SAXO1: variants seen among roughly 807,000 people sequenced by gnomAD.
The protein encoded by SAXO1 is 4930500O09Rik.
Under a neutral mutation model 17.5 loss-of-function variants are expected in SAXO1, and 21 were observed. That is an observed-to-expected ratio of 1.20 (90% CI 0.85 to 1.72). The LOEUF is 1.72. Among genes scored for constraint, SAXO1 ranks in the 40% most tolerant of loss-of-function variants. The probability of loss-of-function intolerance (pLI) is 0.00; values close to 1 mark genes in which losing one functional copy is unlikely to be tolerated. For missense variants in SAXO1, 843 were observed against 596.0 expected, an observed-to-expected ratio of 1.41 and a Z score of -4.32; for synonymous variants, 274 against 216.5, an observed-to-expected ratio of 1.27 and a Z score of -2.33.
chr9:18,961,607 G>A (rs1313059847), intron 1 of SAXO1, among the ~76,000 whole-genome samples: 2 of 151,914 alleles, frequency 1.3e-5, no homozygotes, highest in Non-Finnish European at 2.9e-5. Flanking sequence ...CTGTTCCTGT[G>A]TTAGTTTGCT....
At chr9:18,937,634 C>G (rs1213524652) in intron 3 of SAXO1, among the ~76,000 whole-genome samples, 3 of 152,144 alleles carry the variant, frequency 2.0e-5, no homozygotes, top group Non-Finnish European at 2.9e-5. Flanking sequence ...GCAGGCTCCA[C>G]CTTCATGAAT....
At chr9:18,954,050 C>G (rs968512547) in intron 1 of SAXO1, among the ~76,000 whole-genome samples, 4 of 152,142 alleles carry the variant, frequency 2.6e-5, no homozygotes, top group Non-Finnish European at 4.4e-5. Flanking sequence ...GAGCTGCCCT[C>G]GCCACCTTGC....
chr9:18,954,124 G>A (rs942168381), intron 1 of SAXO1, among the ~76,000 whole-genome samples: 6 of 152,126 alleles, frequency 3.9e-5, no homozygotes, highest in African/African-American at 1.2e-4. Flanking sequence ...GGAGAGAGGA[G>A]GTTTCTTTAG....
intron 1 of SAXO1, among the ~76,000 whole-genome samples, chr9:19,043,636 G>A (rs1277636427): frequency 6.6e-6 from 1 of 151,894 alleles, no homozygotes; most frequent in East Asian, 1.9e-4. Flanking sequence ...GCATGGTAGT[G>A]CGTAACTGTA....
In SAXO1 at chr9:18,928,546, A is replaced by G; in HGVS notation, c.931T>C (p.Tyr311His). Residue 311 changes from tyrosine to histidine, a missense_variant, in exon 4 of 4, where the codon TAC becomes CAC. Coordinates refer to ENST00000380534, the MANE Select transcript of SAXO1 (RefSeq NM_153707.4). The stretch of plus-strand genomic sequence containing the variant: ...GCTGGGGCACCCTTAGGGCATGTGT[A>G]ATGGGCCTGCACTGTTGTCAGAAGA... ...MDLLTTVQAH[Y>H]TCPKGAPAQS... is the part of the protein sequence containing the mutation. 1.2e-6 allele frequency: 2 copies of G among 1,614,032 alleles called. No homozygotes were observed. Among genetic ancestry groups the G allele is most frequent in the Non-Finnish European group, 1.7e-6 (2 of 1,179,956 alleles).
At chr9:19,045,620 C>G (rs1836195009) in intron 1 of SAXO1, among the ~76,000 whole-genome samples, 1 of 152,158 alleles carries the variant, frequency 6.6e-6, no homozygotes, top group Admixed American at 6.5e-5. Flanking sequence ...ACACCCCATC[C>G]CAGTAGAAGA....
chr9:19,011,307 A>G (rs1357048073), intron 1 of SAXO1, among the ~76,000 whole-genome samples: 1 of 152,202 alleles, frequency 6.6e-6, no homozygotes, highest in Non-Finnish European at 1.5e-5. Context: ...GCCACTTTCT[A>G]ACGAGGGAGG....
intron 1 of SAXO1, among the ~76,000 whole-genome samples, chr9:19,046,267 C>G (rs1214572695): frequency 6.6e-6 from 1 of 151,544 alleles, no homozygotes; most frequent in Non-Finnish European, 1.5e-5. Flanking sequence ...ATTAGAACAG[C>G]CTGTGGAAAT....
intron 3 of SAXO1, among the ~76,000 whole-genome samples, chr9:18,931,303 A>C (rs531095875): frequency 2.0e-5 from 3 of 152,316 alleles, no homozygotes; most frequent in African/African-American, 7.2e-5. Context: ...TCTTTCACTT[A>C]GTGTAATGTA....
chr9:18,950,861 C>T lies in SAXO1; in HGVS notation c.115G>A (p.Glu39Lys), dbSNP rs201537958. The change falls in exon 2 of 4, where the codon GAG becomes AAG. Residue 39 changes from glutamate to lysine, a missense_variant. Transcript: ENST00000380534. ...EKPCLLSEYT[E>K]NYPFYHSYLP... ...TAGGAGTGATAGAAAGGGTAGTTCT[C>T]GGTATATTCGGAGAGAAGACATGGT... 1.1e-4 allele frequency: 179 copies of T among 1,613,710 alleles called. No individual in the cohort carries two copies. The East Asian group carries it at 2.2e-3, about 20-fold the overall frequency.
chr9:18,957,565 G>A lies in SAXO1; in HGVS notation c.39-6628C>T, dbSNP rs78284198. Among the ~76,000 whole-genome samples, 1,386 of 152,302 alleles carry A rather than the reference G, an allele frequency of 9.1e-3. 15 individuals are homozygous for A. Among genetic ancestry groups the A allele is most frequent in the African/African-American group, 0.032 (1,333 of 41,562 alleles). On this transcript the variant is annotated intron_variant, in intron 1 of 3. Coordinates refer to ENST00000380534, the MANE Select transcript of SAXO1 (RefSeq NM_153707.4). ...AGTTGAGAGCTTGTGACCTGTCACAGCTGCTGTTCAAGGGAGGAAAGCAGT... is the reference window on the plus strand; with the variant it reads ...AGTTGAGAGCTTGTGACCTGTCACAACTGCTGTTCAAGGGAGGAAAGCAGT...
At chr9:19,015,986 C>G (rs984123218) in intron 1 of SAXO1, among the ~76,000 whole-genome samples, 1 of 152,132 alleles carries the variant, frequency 6.6e-6, no homozygotes, top group South Asian at 2.1e-4. Context: ...AAACAGCTCT[C>G]CAGTTGATTC....
chr9:19,021,766 T>A (rs977478737), intron 1 of SAXO1, among the ~76,000 whole-genome samples: 4 of 152,190 alleles, frequency 2.6e-5, no homozygotes, highest in African/African-American at 9.6e-5. Context: ...CAATCAGCAC[T>A]CTGTAAAACT....
At chr9:18,983,622 G>A (rs1475199144) in intron 1 of SAXO1, among the ~76,000 whole-genome samples, 3 of 152,346 alleles carry the variant, frequency 2.0e-5, no homozygotes, top group African/African-American at 4.8e-5. Flanking sequence ...TCATGAGAGT[G>A]CAGTAATTTA....
Position 18,929,003 on chromosome 9 carries a change from G to A in SAXO1, c.474C>T (p.His158=). The change falls in exon 4 of 4, where the codon CAC becomes CAT. Residue 158 remains histidine (H), a synonymous_variant. Transcript: ENST00000380534. ...ACCTGACTGATGCCGGCTGGTATTT[G>A]TGTTCCAGACGAAGTGGCTCTCGCC... ...QPRREPLRLE[H]KYQPASVRFD... 6.2e-7 allele frequency: 1 copy of A among 1,614,192 alleles called. No individual in the cohort carries two copies. Among genetic ancestry groups the A allele is most frequent in the East Asian group, 2.2e-5 (1 of 44,888 alleles).
At chr9:19,022,564 A>G (rs1401818627) in intron 1 of SAXO1, among the ~76,000 whole-genome samples, 1 of 152,154 alleles carries the variant, frequency 6.6e-6, no homozygotes, top group Non-Finnish European at 1.5e-5. Flanking sequence ...ATCATACTTG[A>G]AAGAGAAATT....
At chr9:18,984,868 C>A (rs982006497) in intron 1 of SAXO1, among the ~76,000 whole-genome samples, 9 of 152,148 alleles carry the variant, frequency 5.9e-5, no homozygotes, top group African/African-American at 2.2e-4. Flanking sequence ...GCCTAGCTTT[C>A]AGCCTGTCTT....
At chr9:18,946,239 G>A (rs1469138793) in intron 2 of SAXO1, among the ~76,000 whole-genome samples, 1 of 130,168 alleles carries the variant, frequency 7.7e-6, no homozygotes, top group Non-Finnish European at 1.5e-5. Flanking sequence ...TCGTGCCACT[G>A]CTCTCCAGCC....
At chr9:18,999,051 T>C (rs1044450865) in intron 1 of SAXO1, among the ~76,000 whole-genome samples, 1 of 152,222 alleles carries the variant, frequency 6.6e-6, no homozygotes, top group Non-Finnish European at 1.5e-5. Context: ...CATCAATTAA[T>C]GTGCAAAATA....
Sources: allele counts gnomAD v4.1 joint callset (sites outside exome capture counted in the v4.1 genomes callset), GRCh38; gene constraint gnomAD v4.1.1; transcripts MANE v1.5; gene names NCBI Gene and HGNC (gene_info 2026-07-23, HGNC 2026-07-21).